The following FAT4 variants were observed in gnomAD, a reference collection of about 807,000 sequenced individuals.
The protein encoded by FAT4 is protocadherin Fat 4.
FAT4 carries 84 observed loss-of-function variants against 303.9 expected under a neutral mutation model. The ratio of observed to expected loss-of-function variants is 0.28; its 90% confidence interval spans 0.23 to 0.33. The LOEUF is 0.33. Among genes scored for constraint, FAT4 ranks in the 10% least tolerant of loss-of-function variants. The probability of loss-of-function intolerance (pLI) is 1.00; values close to 1 mark genes in which losing one functional copy is unlikely to be tolerated. For missense variants in FAT4, 6,005 were observed against 6,146.8 expected (o/e 0.98, Z 0.77); for synonymous variants, 2,307 against 2,298.8 (o/e 1.00, Z -0.10).
At chr4:125,457,247 C>T (rs1726315031) in intron 10 of FAT4, among the ~76,000 whole-genome samples, 1 of 151,858 alleles carries the variant, frequency 6.6e-6, no homozygotes, top group African/African-American at 2.4e-5. Context: ...GACTTTATCC[C>T]CAGAATCCCC....
Position 125,448,625 on chromosome 4 carries a change from T to C in FAT4, c.7615T>C (p.Ser2539Pro). The change falls in exon 10 of 18, where the codon TCT (serine) becomes CCT (proline). Residue 2539 changes from serine (S) to proline (P), a missense_variant. Ser to Pro is a moderately conservative substitution (Grantham distance 74). Coordinates refer to ENST00000394329, the MANE Select transcript of FAT4 (RefSeq NM_001291303.3). ...AAACGGAGCTTCAGAAGTGACATTT[T>C]CTGTGCATGTAAAAGATGGTGGCTC... ...PLNGASEVTF[S>P]VHVKDGGSFP... The C allele has an allele frequency of 6.2e-7, 1 of 1,613,956 alleles. No individual in the cohort carries two copies. The highest frequency in any genetic ancestry group is 8.5e-7 in the Non-Finnish European group (1 of 1,179,908).
chr4:125,361,773 C>T (rs17009532), intron 2 of FAT4, among the ~76,000 whole-genome samples: 3,946 of 152,170 alleles, frequency 0.026, 83 homozygotes, highest in Non-Finnish European at 0.041. Flanking sequence ...TACCTGCAAC[C>T]GTTCTGACCC....
chr4:125,482,550 C>T (rs1377327671), intron 16 of FAT4, among the ~76,000 whole-genome samples: 3 of 151,934 alleles, frequency 2.0e-5, no homozygotes, highest in Admixed American at 6.6e-5. Flanking sequence ...TATTTACTGC[C>T]TTCCATTAAT....
intron 5 of FAT4, among the ~76,000 whole-genome samples, chr4:125,414,180 A>T (rs1357881489): frequency 6.6e-6 from 1 of 152,044 alleles, no homozygotes; most frequent in African/African-American, 2.4e-5. Flanking sequence ...GACTCTCTGC[A>T]ATCATTTTCT....
intron 2 of FAT4, among the ~76,000 whole-genome samples, chr4:125,396,861 A>C (rs1734197749): frequency 6.6e-6 from 1 of 151,166 alleles, no homozygotes; most frequent in Admixed American, 6.6e-5. Context: ...TTACGTGTAT[A>C]AAGTGAAGAT....
Position 125,317,472 on chromosome 4 carries a change from A to G in FAT4, c.1061A>G (p.Lys354Arg). The part of the protein sequence containing the change: ...LDVNDNDPVV[K>R]FRYFPATSRY... ...GTGAATGACAATGACCCGGTAGTGA[A>G]GTTCCGCTACTTCCCGGCCACCTCG... The change falls in exon 2 of 18, where the codon AAG (lysine) becomes AGG (arginine). Residue 354 changes from lysine (K) to arginine (R), a missense_variant. By Grantham distance (26) the Lys-to-Arg change is conservative. Transcript: ENST00000394329. The surrounding 1 kb of genome is among the most constrained non-coding windows in gnomAD (Gnocchi z 7.0). 6 of 1,613,696 alleles carry G rather than the reference A, an allele frequency of 3.7e-6. No homozygotes were observed. The highest frequency in any genetic ancestry group is 5.1e-6 in the Non-Finnish European group (6 of 1,180,040).
chr4:125,447,755 C>T (rs1725875394), intron 9 of FAT4, among the ~76,000 whole-genome samples: 1 of 152,120 alleles, frequency 6.6e-6, no homozygotes, highest in Admixed American at 6.6e-5. Flanking sequence ...CAATCTGTTT[C>T]ATTGGCACTC....
rs180902086 is a variant in FAT4, at chr4:125,359,720, G to A, written c.5175+38134G>A. ...AGTAACTTAATTTCAGAAGAAAATC[G>A]TACTTTCATATAAATTCATAGTGAA... is the stretch of plus-strand genomic sequence containing the variant. On this transcript the variant is annotated intron_variant, in intron 2 of 17. Coordinates refer to ENST00000394329, the MANE Select transcript of FAT4 (RefSeq NM_001291303.3). 4.1e-3 allele frequency among the ~76,000 whole-genome samples: 618 copies of A among 152,178 alleles called. 5 individuals are homozygous for A. Among genetic ancestry groups the A allele is most frequent in the African/African-American group, 0.014 (585 of 41,526 alleles).
chr4:125,356,021 C>T (rs1732410455), intron 2 of FAT4, among the ~76,000 whole-genome samples: 1 of 151,822 alleles, frequency 6.6e-6, no homozygotes, highest in Admixed American at 6.6e-5. Context: ...CAAGTATTTT[C>T]CTCAGTGGCC....
Position 125,468,558 on chromosome 4 carries a change from G to T in FAT4, c.11952G>T (p.Glu3984Asp). 6.2e-7 allele frequency: 1 copy of T among 1,613,742 alleles called. No homozygotes were observed. The highest frequency in any genetic ancestry group is 8.5e-7 in the Non-Finnish European group (1 of 1,179,744). ...HCELNSYGFE[E>D]LSYMEFPSLD... ...AGTTGAACAGTTATGGATTTGAGGA[G>T]TTATCATACATGGAATTTCCAAGCT... The change falls in exon 12 of 18, where the codon GAG (glutamate) becomes GAT (aspartate). Residue 3984 changes from glutamate (E) to aspartate (D), a missense_variant. Glu to Asp is a conservative substitution (Grantham distance 45). Transcript: ENST00000394329.
At position 125,319,482 on chromosome 4, in the gene FAT4, A is replaced by C; in HGVS notation, c.3071A>C (p.Asp1024Ala). ...RFFKVQASDK[D>A]SGANGEIAYT... ...TTTAAAGTACAAGCTTCTGATAAGG[A>C]TTCAGGAGCAAATGGTGAAATTGCA... The change falls in exon 2 of 18, where the codon GAT becomes GCT. Residue 1024 changes from aspartate to alanine, a missense_variant. By Grantham distance (126) the Asp-to-Ala change is moderately radical. Transcript: ENST00000394329. 1.2e-6 allele frequency: 2 copies of C among 1,613,232 alleles called. No homozygotes were observed. The highest frequency in any genetic ancestry group is 1.7e-6 in the Non-Finnish European group (2 of 1,179,158).
At position 125,320,493 on chromosome 4, in the gene FAT4, G is replaced by A. The variant is rs1481519245; in HGVS notation, c.4082G>A (p.Gly1361Glu). ...AGTATTACTGGGACTAACAACCACG[G>A]AACTTTTAGCATTAGCCCAAACACT... Reference protein sequence around the residue: ...YYSITGTNNHGTFSISPNTGS... With the variant: ...YYSITGTNNHETFSISPNTGS... Residue 1361 changes from glycine to glutamate, a missense_variant, in exon 2 of 18, where the codon GGA (glycine) becomes GAA (glutamate). Physicochemically the swap from Gly to Glu is moderately conservative, Grantham distance 98. Transcript: ENST00000394329. 2 of 1,613,986 alleles carry A rather than the reference G, an allele frequency of 1.2e-6. No homozygotes were observed. Among genetic ancestry groups the A allele is most frequent in the South Asian group, 1.1e-5 (1 of 91,064 alleles).
At chr4:125,395,476 A>C (rs1734134048) in intron 2 of FAT4, among the ~76,000 whole-genome samples, 1 of 151,760 alleles carries the variant, frequency 6.6e-6, no homozygotes, top group African/African-American at 2.4e-5. Context: ...CGCCCAACTA[A>C]TTTTTGTATT....
intron 2 of FAT4, among the ~76,000 whole-genome samples, chr4:125,385,284 A>G (rs1411999780): frequency 1.3e-5 from 2 of 151,920 alleles, no homozygotes; most frequent in African/African-American, 4.8e-5. Context: ...CGGCCTCCCA[A>G]AGTGCTGGGA....
chr4:125,419,116 G>A (rs980956855), intron 7 of FAT4, among the ~76,000 whole-genome samples: 2 of 151,992 alleles, frequency 1.3e-5, no homozygotes, highest in African/African-American at 2.4e-5. Flanking sequence ...CTTCATGTTT[G>A]TATCTATGAT....
At chr4:125,473,126 CA>C (rs1726920078) in intron 12 of FAT4, among the ~76,000 whole-genome samples, 1 of 151,902 alleles carries the variant, frequency 6.6e-6, no homozygotes, top group Admixed American at 6.6e-5. Flanking sequence ...CTAATATGCC[CA>C]CATTTCCATA....
At chr4:125,360,377 G>A (rs920924651) in intron 2 of FAT4, among the ~76,000 whole-genome samples, 4 of 151,894 alleles carry the variant, frequency 2.6e-5, no homozygotes, top group Admixed American at 2.0e-4. Flanking sequence ...TTTTCATCAC[G>A]TTTCCCACAC....
At chr4:125,452,921 A>T in intron 10 of FAT4, 111 bp downstream of exon 10, 1 of 1,319,862 alleles carries the variant, frequency 7.6e-7, no homozygotes, top group Non-Finnish European at 1.0e-6. Context: ...GCATAATAGT[A>T]ACAAATGTTT....
intron 2 of FAT4, among the ~76,000 whole-genome samples, chr4:125,385,026 T>TATATATATATA (rs1560790810): frequency 3.8e-5 from 2 of 52,878 alleles, no homozygotes; most frequent in African/African-American, 7.9e-5. Context: ...ATATATATAT[T>TATATATATATA]TTTTTTTTTT....
Sources: gnomAD v4.1 joint callset for allele counts (sites outside exome capture counted in the v4.1 genomes callset) on GRCh38, gnomAD v4.1.1 for gene constraint, Gnocchi (gnomAD v3.1) non-coding constraint, MANE v1.5 for transcripts, NCBI Gene and HGNC (gene_info 2026-07-23, HGNC 2026-07-21) for gene names.